The following GALNTL6 variants were observed in gnomAD, a reference collection of about 807,000 sequenced individuals.
GALNTL6 encodes polypeptide N-acetylgalactosaminyltransferase-like 6.
Under a neutral mutation model 73.7 loss-of-function variants are expected in GALNTL6, and 46 were observed. That is an observed-to-expected ratio of 0.62 (90% confidence interval 0.49 to 0.80). GALNTL6 has a LOEUF of 0.80. Among genes scored for constraint, GALNTL6 ranks in the 30% least tolerant of loss-of-function variants. The probability of loss-of-function intolerance (pLI) is 0.00; values close to 1 mark genes in which losing one functional copy is unlikely to be tolerated. For synonymous variants in GALNTL6, 259 were observed against 263.7 expected, an observed-to-expected ratio of 0.98 and a Z score of 0.17; for missense variants, 604 against 755.0, an observed-to-expected ratio of 0.80 and a Z score of 2.34.
At chr4:172,041,959 C>T (rs190737660) in intron 2 of GALNTL6, among the ~76,000 whole-genome samples, 43 of 152,134 alleles carry the variant, frequency 2.8e-4, no homozygotes, top group Non-Finnish European at 4.1e-4. Context: ...TACTCAACTC[C>T]AGTTAAGAAA....
chr4:172,010,947 C>T (rs964350655), intron 2 of GALNTL6, among the ~76,000 whole-genome samples: 3 of 151,770 alleles, frequency 2.0e-5, no homozygotes, highest in African/African-American at 7.3e-5. Flanking sequence ...CTATATATTC[C>T]CATATTGTAA....
At chr4:172,445,258 TC>T (rs1731979020) in intron 5 of GALNTL6, among the ~76,000 whole-genome samples, 1 of 152,164 alleles carries the variant, frequency 6.6e-6, no homozygotes, top group South Asian at 2.1e-4. Context: ...ACAAGAAGGT[TC>T]CCATTTCCAA....
chr4:172,102,250 C>T (rs1408992582), intron 2 of GALNTL6, among the ~76,000 whole-genome samples: 1 of 152,176 alleles, frequency 6.6e-6, no homozygotes, highest in Non-Finnish European at 1.5e-5. Context: ...TCTTCACCAG[C>T]AGCTTCTCAA....
chr4:173,017,089 G>C (rs1752813850), intron 11 of GALNTL6, among the ~76,000 whole-genome samples: 2 of 152,108 alleles, frequency 1.3e-5, no homozygotes. Flanking sequence ...TACCATGATT[G>C]TAAGTTTCCT....
At chr4:172,459,400 A>G (rs186466253) in intron 5 of GALNTL6, among the ~76,000 whole-genome samples, 90 of 152,342 alleles carry the variant, frequency 5.9e-4, no homozygotes, top group African/African-American at 1.8e-3. Context: ...AGCGTATTCA[A>G]ATAGGAAGAG....
chr4:172,236,931 A>G (rs546908381), intron 3 of GALNTL6, among the ~76,000 whole-genome samples: 1 of 152,210 alleles, frequency 6.6e-6, no homozygotes, highest in East Asian at 1.9e-4. Context: ...TGTGTACTCA[A>G]CGTTTAGTTC....
intron 10 of GALNTL6, among the ~76,000 whole-genome samples, chr4:172,993,185 G>A (rs953549399): frequency 3.3e-5 from 5 of 152,166 alleles, no homozygotes; most frequent in African/African-American, 1.2e-4. Context: ...AGGTCCTAAG[G>A]GTGGTGCCCT....
Position 171,814,730 on chromosome 4 carries a change from C to A in GALNTL6, c.138+12C>A, listed in dbSNP as rs779455333. 2 of 1,613,074 alleles carry A rather than the reference C, an allele frequency of 1.2e-6. No individual in the cohort carries two copies. The highest frequency in any genetic ancestry group is 2.2e-5 in the East Asian group (1 of 44,884). ...CCGGGGAGCAGCAGGTAAGTGCCAC[C>A]CAGAGAAAGATCACACAAGGATTGG... On this transcript the variant is annotated intron_variant, in intron 2 of 12. Coordinates refer to ENST00000506823, the MANE Select transcript of GALNTL6 (RefSeq NM_001034845.3).
chr4:172,538,422 T>C (rs1735428913), intron 5 of GALNTL6, among the ~76,000 whole-genome samples: 1 of 152,048 alleles, frequency 6.6e-6, no homozygotes, highest in African/African-American at 2.4e-5. Context: ...ATTGCGCCAC[T>C]GCACTCCAGC....
At chr4:173,000,490 T>C (rs1370241929) in intron 10 of GALNTL6, among the ~76,000 whole-genome samples, 2 of 152,194 alleles carry the variant, frequency 1.3e-5, no homozygotes, top group Admixed American at 1.3e-4. Context: ...CGCAAAGTGA[T>C]CTACAGATTA....
intron 2 of GALNTL6, among the ~76,000 whole-genome samples, chr4:171,924,593 T>G (rs1441920931): frequency 6.6e-6 from 1 of 152,220 alleles, no homozygotes; most frequent in East Asian, 1.9e-4. Context: ...CTCTGAGTTC[T>G]GGAAAAGCAC....
intron 5 of GALNTL6, among the ~76,000 whole-genome samples, chr4:172,473,272 A>C (rs1733118210): frequency 1.3e-5 from 2 of 152,184 alleles, no homozygotes; most frequent in Admixed American, 1.3e-4. Flanking sequence ...CTCACTCAGC[A>C]TATAAGGCTG....
At chr4:172,961,510 A>G (rs149481125) in intron 10 of GALNTL6, among the ~76,000 whole-genome samples, 95 of 152,220 alleles carry the variant, frequency 6.2e-4, no homozygotes, top group African/African-American at 1.4e-3. Flanking sequence ...ATGTGGGTGA[A>G]TAATCAGGCA....
chr4:172,320,927 T>C (rs1254978693), intron 4 of GALNTL6, among the ~76,000 whole-genome samples: 2 of 152,192 alleles, frequency 1.3e-5, no homozygotes, highest in African/African-American at 4.8e-5. Context: ...TACGGTGGTT[T>C]TCTTTTATCT....
At chr4:172,012,040 G>A (rs1215396086) in intron 2 of GALNTL6, among the ~76,000 whole-genome samples, 3 of 152,016 alleles carry the variant, frequency 2.0e-5, no homozygotes, top group African/African-American at 7.2e-5. Flanking sequence ...GATTAAAAGA[G>A]TATGATGGGT....
intron 2 of GALNTL6, among the ~76,000 whole-genome samples, chr4:171,849,187 C>A (rs1032617258): frequency 1.3e-5 from 2 of 152,176 alleles, no homozygotes; most frequent in African/African-American, 4.8e-5. Context: ...TGCTATTCTT[C>A]CTTTCGCTTC....
intron 5 of GALNTL6, among the ~76,000 whole-genome samples, chr4:172,769,077 A>C (rs958516261): frequency 6.6e-6 from 1 of 152,086 alleles, no homozygotes; most frequent in Non-Finnish European, 1.5e-5. Flanking sequence ...AGCAAGTGAT[A>C]AACTTTTTAA....
At chr4:172,453,046 A>G (rs1244357915) in intron 5 of GALNTL6, among the ~76,000 whole-genome samples, 1 of 152,192 alleles carries the variant, frequency 6.6e-6, no homozygotes, top group South Asian at 2.1e-4. Flanking sequence ...TACTAAAAAT[A>G]CAAAACTACC....
chr4:172,768,252 A>T (rs369327152), intron 5 of GALNTL6, among the ~76,000 whole-genome samples: 1 of 152,172 alleles, frequency 6.6e-6, no homozygotes. Context: ...TTCTCCAGGA[A>T]CTTACAATCA....
Sources: allele counts gnomAD v4.1 joint callset (sites outside exome capture counted in the v4.1 genomes callset), GRCh38; gene constraint gnomAD v4.1.1; transcripts MANE v1.5; gene names NCBI Gene and HGNC (gene_info 2026-07-23, HGNC 2026-07-21).